The following FSHR variants were observed in gnomAD, a reference collection of about 807,000 sequenced individuals.
FSHR encodes follicle-stimulating hormone receptor.
FSHR carries 46 observed loss-of-function variants against 52.1 expected under a neutral mutation model. That is an observed-to-expected ratio of 0.88 (90% CI 0.70 to 1.13). The LOEUF (loss-of-function observed/expected upper bound fraction) is 1.13. FSHR is among the 50% of genes most tolerant of loss of function. The pLI is 0.00. For missense variants in FSHR, 964 were observed against 834.6 expected (o/e 1.16, Z -1.91); for synonymous variants, 399 against 309.6 (o/e 1.29, Z -3.03).
intron 1 of FSHR, among the ~76,000 whole-genome samples, chr2:49,132,554 T>A (rs866329412): frequency 1.1e-4 from 16 of 152,114 alleles, no homozygotes; most frequent in African/African-American, 3.6e-4. Context: ...CAGACCAGTA[T>A]TTAGGACATG....
chr2:49,043,636 A>G (rs17038135), intron 2 of FSHR, among the ~76,000 whole-genome samples: 6,567 of 152,296 alleles, frequency 0.043, 412 homozygotes, highest in East Asian at 0.21. Context: ...CATCTTGCCT[A>G]GAGAATCACG....
intron 4 of FSHR, among the ~76,000 whole-genome samples, chr2:48,996,896 G>C (rs72875944): frequency 0.016 from 2,464 of 152,232 alleles, 69 homozygotes; most frequent in African/African-American, 0.055. Flanking sequence ...TATATGAAAA[G>C]ACTCGCTACT....
In FSHR at chr2:48,962,623, A is replaced by T; in HGVS notation, c.*110T>A. ...AATTTACCTTAAAGGTATGCCAGGA[A>T]TATTAAATTAGATGAAATGTGTAGA... On this transcript the variant is annotated 3_prime_UTR_variant, in exon 10 of 10. Coordinates refer to ENST00000406846, the MANE Select transcript of FSHR (RefSeq NM_000145.4). 9.0e-7 allele frequency: 1 copy of T among 1,115,538 alleles called. No homozygotes were observed. Among genetic ancestry groups the T allele is most frequent in the South Asian group, 1.3e-5 (1 of 75,862 alleles). The allele number at this position is 1,115,538 out of a possible 1,614,324, so 69.1% of individuals were successfully genotyped here.
chr2:48,982,800 T>C (rs1573042438), intron 8 of FSHR, 112 bp downstream of exon 8: 1 of 933,642 alleles, frequency 1.1e-6, no homozygotes, highest in East Asian at 2.6e-5. Context: ...CGAATAAAAA[T>C]TGAACTTGAT....
intron 4 of FSHR, among the ~76,000 whole-genome samples, chr2:49,013,473 TATATATAAATAA>T (rs1463071608): frequency 1.6e-5 from 2 of 127,620 alleles, no homozygotes; most frequent in African/African-American, 5.6e-5. Flanking sequence ...AATATATATA[TATATATAAATAA>T]ATATATATAT....
intron 4 of FSHR, among the ~76,000 whole-genome samples, chr2:49,017,242 G>C (rs895968157): frequency 1.3e-5 from 2 of 152,122 alleles, no homozygotes; most frequent in African/African-American, 2.4e-5. Flanking sequence ...CCATGTGACC[G>C]TCCCATTAAT....
chr2:49,008,007 C>A (rs990172913), intron 4 of FSHR, among the ~76,000 whole-genome samples: 35 of 151,308 alleles, frequency 2.3e-4, no homozygotes, highest in African/African-American at 8.5e-4. Flanking sequence ...TTTGAATTTT[C>A]TTTTTTTTAA....
In FSHR at chr2:49,128,094, C is replaced by T. The variant is rs952230754; in HGVS notation, c.152+26172G>A. Among the ~76,000 whole-genome samples, 5 of 151,534 alleles carry T rather than the reference C, an allele frequency of 3.3e-5. No homozygotes were observed. In the Admixed American group the frequency reaches 3.3e-4, roughly 10 times the overall value. On this transcript the variant is annotated intron_variant, in intron 1 of 9. Coordinates refer to ENST00000406846, the MANE Select transcript of FSHR (RefSeq NM_000145.4). ...ATGGGGTTTCACCATGTTGGCCAGG[C>T]TGGTCTTGAACTCCTGATCTGAAGT... is the stretch of plus-strand genomic sequence containing the variant.
At position 49,017,549 on chromosome 2, in the gene FSHR, G is replaced by C; in HGVS notation, c.314C>G (p.Ala105Gly). 2 of 1,613,094 alleles carry C rather than the reference G, an allele frequency of 1.2e-6. No homozygotes were observed. Among genetic ancestry groups the C allele is most frequent in the South Asian group, 2.2e-5 (2 of 91,066 alleles). ...AGGGTTGATGTAGAGCAGGTTGTTG[G>C]CCTTTTCAATTCTACTGTAAAAGAA... ...PKLHEIRIEK[A>G]NNLLYINPEA... Residue 105 changes from alanine (A) to glycine (G), a missense_variant, in exon 4 of 10, where the codon GCC becomes GGC. Ala to Gly is a moderately conservative substitution (Grantham distance 60). Coordinates refer to ENST00000406846, the MANE Select transcript of FSHR (RefSeq NM_000145.4).
intron 4 of FSHR, among the ~76,000 whole-genome samples, chr2:48,993,987 A>G (rs1463794851): frequency 6.6e-6 from 1 of 152,146 alleles, no homozygotes; most frequent in Non-Finnish European, 1.5e-5. Flanking sequence ...GCCATGTATT[A>G]TTTTGTGTTA....
In FSHR at chr2:48,988,976, C is replaced by T. The variant is rs752828792; in HGVS notation, c.524+1G>A. The T allele has an allele frequency of 1.2e-6, 2 of 1,612,864 alleles. No individual in the cohort carries two copies. The highest frequency in any genetic ancestry group is 1.1e-5 in the South Asian group (1 of 91,044). ...TGTTGGATTTTTTCCCCCTTACTTA[C>T]AGAATCACACTTTCAAAGCTCAGCC... On this transcript the variant is annotated splice_donor_variant, in intron 6 of 9. Transcript: ENST00000406846. LOFTEE classifies it high-confidence loss of function.
At chr2:49,020,039 T>C in intron 3 of FSHR, 47 bp downstream of exon 3, 1 of 1,526,018 alleles carries the variant, frequency 6.6e-7, no homozygotes, top group African/African-American at 1.4e-5. Context: ...ACTTTAAGGG[T>C]TTTTTCAAGA....
chr2:49,104,626 A>G (rs935819788), intron 1 of FSHR, among the ~76,000 whole-genome samples: 1 of 152,194 alleles, frequency 6.6e-6, no homozygotes, highest in African/African-American at 2.4e-5. Context: ...ATCGTGTTCC[A>G]AAGGGCATGT....
intron 1 of FSHR, among the ~76,000 whole-genome samples, chr2:49,087,219 G>A (rs1670434507): frequency 6.6e-6 from 1 of 151,792 alleles, no homozygotes; most frequent in South Asian, 2.1e-4. Flanking sequence ...TTGTTCAATG[G>A]AGGTTAGGCT....
intron 1 of FSHR, among the ~76,000 whole-genome samples, chr2:49,089,146 T>A (rs943780402): frequency 1.3e-5 from 2 of 148,542 alleles, no homozygotes; most frequent in African/African-American, 5.2e-5. Context: ...ATGATTTATT[T>A]AATTATTTAA....
At chr2:49,021,886 T>TATATAGAG (rs1273265515) in intron 2 of FSHR, among the ~76,000 whole-genome samples, 26 of 25,114 alleles carry the variant, frequency 1.0e-3, no homozygotes, top group East Asian at 2.7e-3. Context: ...TATATATATA[T>TATATAGAG]AGAGAGAGAG....
chr2:49,036,882 T>C (rs550113579), intron 2 of FSHR, among the ~76,000 whole-genome samples: 1 of 152,236 alleles, frequency 6.6e-6, no homozygotes, highest in African/African-American at 2.4e-5. Flanking sequence ...ATGTCAAACA[T>C]TTAAAAATTT....
intron 1 of FSHR, among the ~76,000 whole-genome samples, chr2:49,091,032 G>T (rs112746703): frequency 6.6e-6 from 1 of 150,882 alleles, no homozygotes; most frequent in Non-Finnish European, 1.5e-5. Context: ...TAGACATAGG[G>T]TTTACAAATA....
Position 48,964,624 on chromosome 2 carries a change from C to G in FSHR, c.855-658G>C, listed in dbSNP as rs1573014075. ...GCTTGTCTGCAAGGTAAGCCTGGCT[C>G]TCTCATATTGAACAGTTTCCTAGTG... On this transcript the variant is annotated intron_variant, in intron 9 of 9. Transcript: ENST00000406846. Among the ~76,000 whole-genome samples the G allele has an allele frequency of 2.0e-5, 3 of 152,270 alleles. No individual in the cohort carries two copies. The South Asian group carries it at 6.2e-4, about 32-fold the overall frequency.
Sources: gnomAD v4.1 joint callset for allele counts (sites outside exome capture counted in the v4.1 genomes callset) on GRCh38, gnomAD v4.1.1 for gene constraint, MANE v1.5 for transcripts, NCBI Gene and HGNC (gene_info 2026-07-23, HGNC 2026-07-21) for gene names.